Variants in TRERF1 observed in about 807,000 individuals in gnomAD.
TRERF1 encodes transcriptional-regulating factor 1.
In TRERF1, 27 loss-of-function variants were observed where a neutral mutation model predicts 122.9. That is an observed-to-expected ratio of 0.22 (90% CI 0.16 to 0.30). The LOEUF (loss-of-function observed/expected upper bound fraction) is 0.30, where lower values mean the gene tolerates loss of function less well. TRERF1 is among the 10% of genes least tolerant of loss of function. The pLI is 1.00. For missense variants in TRERF1, 1,248 were observed against 1,560.3 expected, an observed-to-expected ratio of 0.80 and a Z score of 3.37; for synonymous variants, 636 against 641.7, an observed-to-expected ratio of 0.99 and a Z score of 0.13.
chr6:42,358,757 G>A (rs1771093874), intron 3 of TRERF1, among the ~76,000 whole-genome samples: 1 of 150,910 alleles, frequency 6.6e-6, no homozygotes, highest in African/African-American at 2.4e-5. Context: ...AAAAAAGACT[G>A]GGAGCCCTAG....
chr6:42,259,238 G>A lies in TRERF1; in HGVS notation c.2269+101C>T. ...GCGTGCTACATACAGCCAATACTCC[G>A]CAAAAGTCTGTGGGATAAATGAGAA... On this transcript the variant is annotated intron_variant, in intron 9 of 17. Coordinates refer to ENST00000372922, the Ensembl canonical transcript of TRERF1. The surrounding 1 kb of genome is among the most constrained non-coding windows in gnomAD (Gnocchi z 4.9). 6 of 1,414,338 alleles carry A rather than the reference G, an allele frequency of 4.2e-6. No homozygotes were observed. The highest frequency in any genetic ancestry group is 5.5e-6 in the Non-Finnish European group (6 of 1,084,288). The allele number at this position is 1,414,338 out of a possible 1,614,324, so 87.6% of individuals were successfully genotyped here.
At chr6:42,240,580 C>T (rs1031852637) in intron 15 of TRERF1, among the ~76,000 whole-genome samples, 1 of 152,238 alleles carries the variant, frequency 6.6e-6, no homozygotes, top group Non-Finnish European at 1.5e-5. Context: ...CAAGCCCCTT[C>T]CTCTCTCTGG....
intron 3 of TRERF1, among the ~76,000 whole-genome samples, chr6:42,334,786 C>T (rs989382631): frequency 2.0e-5 from 3 of 152,226 alleles, no homozygotes; most frequent in African/African-American, 4.8e-5. Flanking sequence ...GAAGATGCTC[C>T]CTCTGATGTT....
At chr6:42,351,749 G>A (rs1769487032) in intron 3 of TRERF1, among the ~76,000 whole-genome samples, 1 of 152,148 alleles carries the variant, frequency 6.6e-6, no homozygotes, top group Admixed American at 6.5e-5. Flanking sequence ...AATGGAAAGT[G>A]ATTTGAGCAC....
chr6:42,397,826 C>T (rs1026331708), intron 2 of TRERF1, among the ~76,000 whole-genome samples: 3 of 152,170 alleles, frequency 2.0e-5, no homozygotes, highest in Admixed American at 6.5e-5. Context: ...ATACAGCAAT[C>T]GTCTGATAAA....
At chr6:42,351,999 G>T (rs75189136) in intron 3 of TRERF1, among the ~76,000 whole-genome samples, 5,684 of 152,118 alleles carry the variant, frequency 0.037, 281 homozygotes, top group East Asian at 0.24. Context: ...TTTGGTGCGG[G>T]TGTTGTTGTT....
At chr6:42,340,440 C>G (rs1767037377) in intron 3 of TRERF1, among the ~76,000 whole-genome samples, 2 of 152,136 alleles carry the variant, frequency 1.3e-5, no homozygotes, top group Admixed American at 1.3e-4. Context: ...CCATGTTCAA[C>G]GTCTACTTAT....
At chr6:42,235,403 G>C (rs560994957) in intron 16 of TRERF1, among the ~76,000 whole-genome samples, 2 of 152,254 alleles carry the variant, frequency 1.3e-5, no homozygotes, top group South Asian at 4.1e-4. Context: ...GCAGACCAGC[G>C]GGAGATTGAG....
intron 4 of TRERF1, among the ~76,000 whole-genome samples, chr6:42,285,273 GCT>G (rs1282414019): frequency 6.6e-6 from 1 of 151,872 alleles, no homozygotes; most frequent in Non-Finnish European, 1.5e-5. Context: ...TCATGATTTG[GCT>G]CTCTGTTTGT....
intron 13 of TRERF1, among the ~76,000 whole-genome samples, chr6:42,250,542 C>T (rs759062640): frequency 5.3e-5 from 8 of 152,030 alleles, no homozygotes; most frequent in Admixed American, 2.0e-4. Context: ...AATACAAAAC[C>T]GAGGCAGGGT....
At chr6:42,266,176 C>A (rs985451809) in intron 5 of TRERF1, among the ~76,000 whole-genome samples, 1 of 150,190 alleles carries the variant, frequency 6.7e-6, no homozygotes, top group African/African-American at 2.4e-5. Context: ...CAGGAGACCC[C>A]CTGATGGAAT....
At position 42,314,032 on chromosome 6, in the gene TRERF1, G is replaced by A. The variant is rs538052318; in HGVS notation, c.-370-13283C>T. Among the ~76,000 whole-genome samples, 37 of 152,236 alleles carry A rather than the reference G, an allele frequency of 2.4e-4. No individual in the cohort carries two copies. The East Asian group carries it at 2.7e-3, about 11-fold the overall frequency. The stretch of plus-strand genomic sequence containing the variant: ...CCTGGGAAACAGGGAACAGCTGGAG[G>A]TGCGGCCCTAAAGGGTTTTTTTTTT... On this transcript the variant is annotated intron_variant, in intron 3 of 17. Coordinates refer to ENST00000372922, the Ensembl canonical transcript of TRERF1.
intron 2 of TRERF1, among the ~76,000 whole-genome samples, chr6:42,426,589 C>T (rs1286619446): frequency 1.3e-5 from 2 of 152,186 alleles, no homozygotes; most frequent in South Asian, 2.1e-4. Context: ...CTATTTTGTT[C>T]GTAGCTGTCT....
At chr6:42,375,019 A>AT (rs1331240736) in intron 2 of TRERF1, among the ~76,000 whole-genome samples, 1 of 151,602 alleles carries the variant, frequency 6.6e-6, no homozygotes, top group Non-Finnish European at 1.5e-5. Flanking sequence ...AAAAAAAAAA[A>AT]AAAAAGACAT....
chr6:42,232,535 A>T lies in TRERF1; in HGVS notation c.3278+146T>A. On this transcript the variant is annotated intron_variant, in intron 17 of 17. Transcript: ENST00000372922. This position sits in a 1 kb window ranked among gnomAD's most constrained non-coding sequence, Gnocchi z 4.5. ...TTCTGAGTCTGCAACAGGACTACATACCCATCCCAAAGATGACACGAAGAA... is the reference window on the plus strand; with the variant it reads ...TTCTGAGTCTGCAACAGGACTACATTCCCATCCCAAAGATGACACGAAGAA... 1 of 1,032,020 alleles carries T rather than the reference A, an allele frequency of 9.7e-7. No individual in the cohort carries two copies. The highest frequency in any genetic ancestry group is 1.4e-6 in the Non-Finnish European group (1 of 730,438). The allele number at this position is 1,032,020 out of a possible 1,614,324, so 63.9% of individuals were successfully genotyped here.
chr6:42,308,682 G>A lies in TRERF1; in HGVS notation c.-370-7933C>T, dbSNP rs559410274. The stretch of plus-strand genomic sequence containing the variant: ...CACTGTCCTCAGCAAGCTAACGCAG[G>A]AACAGAAAACCAAATATCCCATGTT... On this transcript the variant is annotated intron_variant, in intron 3 of 17. Coordinates refer to ENST00000372922, the Ensembl canonical transcript of TRERF1. Among the ~76,000 whole-genome samples the A allele has an allele frequency of 7.9e-5, 12 of 152,320 alleles. No individual in the cohort carries two copies. In the South Asian group the frequency reaches 2.5e-3, roughly 32 times the overall value.
chr6:42,231,545 C>A lies in TRERF1; in HGVS notation c.3278+1136G>T, dbSNP rs559796995. ...TGTTTTCGTGGTAGAGTTTCAGAAACCACTTGGGCAGCATCTCTCCCAGGT... is the reference window on the plus strand; with the variant it reads ...TGTTTTCGTGGTAGAGTTTCAGAAAACACTTGGGCAGCATCTCTCCCAGGT... On this transcript the variant is annotated intron_variant, in intron 17 of 17. Coordinates refer to ENST00000372922, the Ensembl canonical transcript of TRERF1. 3.7e-4 allele frequency among the ~76,000 whole-genome samples: 57 copies of A among 152,296 alleles called. 1 individual carries two copies. Among genetic ancestry groups the A allele is most frequent in the Admixed American group, 2.7e-3 (42 of 15,300 alleles).
chr6:42,392,303 A>G (rs1562122618), intron 2 of TRERF1, among the ~76,000 whole-genome samples: 1 of 152,168 alleles, frequency 6.6e-6, no homozygotes, highest in East Asian at 1.9e-4. Flanking sequence ...TAACATCTTT[A>G]AGTTTCCTTA....
rs1777513594 is a variant in TRERF1 at position 42,259,852 on chromosome 6, C to T, written c.1885-129G>A. On this transcript the variant is annotated intron_variant, in intron 8 of 17. Coordinates refer to ENST00000372922, the Ensembl canonical transcript of TRERF1. The surrounding 1 kb of genome is among the most constrained non-coding windows in gnomAD (Gnocchi z 4.9). ...TTCTGCTTGACCCCCCCACCCCCAA[C>T]GCCCCCACATTCTGACCACATCCAT... The T allele has an allele frequency of 4.6e-6, 6 of 1,294,042 alleles. No individual in the cohort carries two copies. The highest frequency in any genetic ancestry group is 6.3e-6 in the Non-Finnish European group (6 of 951,732). The allele number at this position is 1,294,042 out of a possible 1,614,324, so 80.2% of individuals were successfully genotyped here. A position where few individuals can be genotyped will look rare whatever the true frequency, so the allele number is the denominator to read the frequency against.
Sources: allele counts gnomAD v4.1 joint callset (sites outside exome capture counted in the v4.1 genomes callset), GRCh38; gene constraint gnomAD v4.1.1; non-coding constraint Gnocchi (gnomAD v3.1); transcripts MANE v1.5; gene names NCBI Gene and HGNC (gene_info 2026-07-23, HGNC 2026-07-21).